The following FOXO1 variants were observed in gnomAD, a reference collection of about 807,000 sequenced individuals.
The protein encoded by FOXO1 is forkhead box protein O1.
FOXO1 carries 6 observed loss-of-function variants against 44.1 expected under a neutral mutation model. The ratio of observed to expected loss-of-function variants is 0.14; its 90% CI spans 0.07 to 0.27. The LOEUF (loss-of-function observed/expected upper bound fraction) is 0.27, where lower values mean the gene tolerates loss of function less well. Ranked by LOEUF, FOXO1 falls within the 10% of genes least tolerant of loss-of-function variation. FOXO1 has a pLI of 1.00. For synonymous variants in FOXO1, 380 were observed against 362.7 expected, an observed-to-expected ratio of 1.05 and a Z score of -0.54; for missense variants, 737 against 888.8, an observed-to-expected ratio of 0.83 and a Z score of 2.17.
intron 1 of FOXO1, among the ~76,000 whole-genome samples, chr13:40,652,715 A>G (rs919110103): frequency 3.9e-5 from 6 of 152,340 alleles, no homozygotes; most frequent in African/African-American, 1.2e-4. Context: ...CCACATTGTG[A>G]CCGTTACTAC....
At chr13:40,657,999 A>G (rs1051910775) in intron 1 of FOXO1, among the ~76,000 whole-genome samples, 5 of 152,350 alleles carry the variant, frequency 3.3e-5, no homozygotes, top group Admixed American at 3.3e-4. Flanking sequence ...TTTTCCTAAC[A>G]ACATATTTAC....
At chr13:40,660,648 G>A (rs80130736) in intron 1 of FOXO1, among the ~76,000 whole-genome samples, 3 of 152,130 alleles carry the variant, frequency 2.0e-5, no homozygotes, top group African/African-American at 4.8e-5. Context: ...TTGTGTGTGC[G>A]GAGCATGAAA....
chr13:40,646,694 T>C (rs1462438397), intron 1 of FOXO1, among the ~76,000 whole-genome samples: 1 of 151,844 alleles, frequency 6.6e-6, no homozygotes, highest in Non-Finnish European at 1.5e-5. Context: ...CCCGGGTTAA[T>C]GAGATTCCCC....
chr13:40,613,084 C>A (rs1566075585), intron 1 of FOXO1, among the ~76,000 whole-genome samples: 1 of 152,216 alleles, frequency 6.6e-6, no homozygotes, highest in African/African-American at 2.4e-5. Flanking sequence ...GTAAGATGAT[C>A]TCCAGTATTT....
chr13:40,563,039 A>G (rs1247951241), intron 1 of FOXO1, among the ~76,000 whole-genome samples: 1 of 152,232 alleles, frequency 6.6e-6, no homozygotes, highest in Non-Finnish European at 1.5e-5. Context: ...ACAGTCTCCC[A>G]GCTTTCTTGG....
At chr13:40,638,006 T>C (rs1330723393) in intron 1 of FOXO1, among the ~76,000 whole-genome samples, 1 of 152,252 alleles carries the variant, frequency 6.6e-6, no homozygotes, top group African/African-American at 2.4e-5. Flanking sequence ...GTACACATTT[T>C]ACTGCCAACA....
At position 40,560,555 on chromosome 13, in the gene FOXO1, T is replaced by C. The variant is rs766509982; in HGVS notation, c.936A>G (p.Thr312=). 6.2e-6 allele frequency: 10 copies of C among 1,614,014 alleles called. No homozygotes were observed. Among genetic ancestry groups the C allele is most frequent in the Non-Finnish European group, 8.5e-6 (10 of 1,180,032 alleles). Residue 312 remains threonine, a synonymous_variant, in exon 2 of 3, where the codon ACA becomes ACG. Coordinates refer to ENST00000379561, the MANE Select transcript of FOXO1 (RefSeq NM_002015.4). This position sits in a 1 kb window ranked among gnomAD's most constrained non-coding sequence, Gnocchi z 5.1. Reference sequence around the variant, plus strand: ...CATTTGAGCTAGTTCGAGGGCGAAATGTACTCCAGTTATCAAAGTCATCAT... The same window carrying C: ...CATTTGAGCTAGTTCGAGGGCGAAACGTACTCCAGTTATCAAAGTCATCAT... The part of the protein sequence containing the change: ...HSNDDFDNWS[T]FRPRTSSNAS...
intron 1 of FOXO1, among the ~76,000 whole-genome samples, chr13:40,662,134 G>A (rs1426634282): frequency 7.9e-6 from 1 of 125,952 alleles, no homozygotes; most frequent in East Asian, 2.4e-4. Context: ...TTGCGCCACT[G>A]CACTCCAGCC....
Position 40,666,373 on chromosome 13 carries a change from G to A in FOXO1, c.-161C>T, listed in dbSNP as rs1156920400. On this transcript the variant is annotated 5_prime_UTR_variant, in exon 1 of 3. Coordinates refer to ENST00000379561, the MANE Select transcript of FOXO1 (RefSeq NM_002015.4). ...ACTGGGAGGAAGGCGCGGCGGAGTG[G>A]AAGCGCGAGCCCAGAACTTAACTTC... 1.9e-6 allele frequency: 1 copy of A among 527,760 alleles called. No homozygotes were observed. Among genetic ancestry groups the A allele is most frequent in the Non-Finnish European group, 3.1e-6 (1 of 320,074 alleles). 32.7% of individuals were successfully genotyped at this position (527,760 alleles called of 1,614,324 possible). A position where few individuals can be genotyped will look rare whatever the true frequency, so the allele number is the denominator to read the frequency against.
intron 1 of FOXO1, among the ~76,000 whole-genome samples, chr13:40,650,225 T>C (rs1877635808): frequency 6.6e-6 from 1 of 152,208 alleles, no homozygotes; most frequent in Non-Finnish European, 1.5e-5. Context: ...AGTGTGGCAG[T>C]GAGAACAACC....
At chr13:40,615,213 G>C (rs906728745) in intron 1 of FOXO1, among the ~76,000 whole-genome samples, 1 of 152,164 alleles carries the variant, frequency 6.6e-6, no homozygotes, top group Non-Finnish European at 1.5e-5. Flanking sequence ...ATACACACTG[G>C]GGGTAGGTGG....
intron 1 of FOXO1, among the ~76,000 whole-genome samples, chr13:40,566,534 A>G (rs970913323): frequency 6.6e-6 from 1 of 151,724 alleles, no homozygotes; most frequent in Admixed American, 6.6e-5. Context: ...ACCTGTCACC[A>G]CGCCTGGCTA....
chr13:40,660,581 T>G (rs950843589), intron 1 of FOXO1, among the ~76,000 whole-genome samples: 1 of 152,230 alleles, frequency 6.6e-6, no homozygotes, highest in Admixed American at 6.5e-5. Context: ...GCATTCTAAC[T>G]TGCCACTGAA....
At chr13:40,621,586 A>T (rs1295200855) in intron 1 of FOXO1, among the ~76,000 whole-genome samples, 2 of 152,248 alleles carry the variant, frequency 1.3e-5, no homozygotes, top group African/African-American at 4.8e-5. Context: ...AGAACCAAAT[A>T]ACCTCTAAAA....
intron 1 of FOXO1, among the ~76,000 whole-genome samples, chr13:40,609,546 T>TA (rs1269783700): frequency 6.6e-6 from 1 of 152,208 alleles, no homozygotes; most frequent in Non-Finnish European, 1.5e-5. Context: ...AAATGAAGGC[T>TA]AATTTCTTCA....
intron 1 of FOXO1, among the ~76,000 whole-genome samples, chr13:40,628,883 A>T (rs1332064018): frequency 6.6e-6 from 1 of 152,252 alleles, no homozygotes; most frequent in Non-Finnish European, 1.5e-5. Context: ...CAGTAACTGT[A>T]CTACTACAGA....
intron 1 of FOXO1, among the ~76,000 whole-genome samples, chr13:40,600,498 T>C (rs2137878644): frequency 6.6e-6 from 1 of 152,160 alleles, no homozygotes; most frequent in South Asian, 2.1e-4. Context: ...TCCTGCCAAT[T>C]AGGCATCCAA....
chr13:40,564,775 G>A (rs530032463), intron 1 of FOXO1, among the ~76,000 whole-genome samples: 10 of 149,830 alleles, frequency 6.7e-5, no homozygotes, highest in African/African-American at 2.4e-4. Context: ...CTACATGACG[G>A]CACTAGAGAA....
chr13:40,576,850 T>C (rs962649782), intron 1 of FOXO1, among the ~76,000 whole-genome samples: 6 of 152,232 alleles, frequency 3.9e-5, no homozygotes, highest in Non-Finnish European at 8.8e-5. Flanking sequence ...ATTTTATCCA[T>C]CATTCACAAG....
Sources: allele counts gnomAD v4.1 joint callset (sites outside exome capture counted in the v4.1 genomes callset), GRCh38; gene constraint gnomAD v4.1.1; non-coding constraint Gnocchi (gnomAD v3.1); transcripts MANE v1.5; gene names NCBI Gene and HGNC (gene_info 2026-07-23, HGNC 2026-07-21).